The following PTPRD variants were observed in gnomAD, a reference collection of about 807,000 sequenced individuals.
PTPRD encodes protein tyrosine phosphatase receptor type D, also known as receptor-type tyrosine-protein phosphatase delta.
PTPRD carries 34 observed loss-of-function variants against 214.5 expected under a neutral mutation model. That is an observed-to-expected ratio of 0.16 (90% CI 0.12 to 0.21). The LOEUF (loss-of-function observed/expected upper bound fraction) is 0.21. PTPRD is among the 10% of genes least tolerant of loss of function. The pLI, the probability that PTPRD is intolerant of heterozygous loss-of-function variation, is 1.00. For synonymous variants in PTPRD, 1,128 were observed against 845.7 expected (o/e 1.33, Z -5.79); for missense variants, 2,545 against 2,398.7 (o/e 1.06, Z -1.27).
chr9:9,038,895 C>A (rs562735389), intron 10 of PTPRD, among the ~76,000 whole-genome samples: 1 of 152,040 alleles, frequency 6.6e-6, no homozygotes, highest in Non-Finnish European at 1.5e-5. Flanking sequence ...TTTTCCCTCC[C>A]AGGAAGGTTT....
chr9:9,177,811 G>T (rs766863952), intron 10 of PTPRD, among the ~76,000 whole-genome samples: 1 of 152,060 alleles, frequency 6.6e-6, no homozygotes, highest in Non-Finnish European at 1.5e-5. Context: ...TTTTATAAAG[G>T]CATCTTAAAA....
intron 11 of PTPRD, among the ~76,000 whole-genome samples, chr9:8,849,486 A>C (rs992698864): frequency 6.6e-6 from 1 of 152,194 alleles, no homozygotes; most frequent in Admixed American, 6.5e-5. Flanking sequence ...TCGGCCTCCC[A>C]AAGTGCTGGG....
chr9:10,156,318 G>A (rs1365365761), intron 3 of PTPRD, among the ~76,000 whole-genome samples: 3 of 152,094 alleles, frequency 2.0e-5, no homozygotes, highest in African/African-American at 7.2e-5. Flanking sequence ...ATGTGCCAGA[G>A]ATTCTGGTGT....
chr9:8,854,690 G>A (rs1328808746), intron 11 of PTPRD, among the ~76,000 whole-genome samples: 1 of 152,152 alleles, frequency 6.6e-6, no homozygotes, highest in Non-Finnish European at 1.5e-5. Context: ...TGCGTCTTCA[G>A]TCCAGGTCCC....
At chr9:8,323,637 C>T (rs1261555356) in intron 44 of PTPRD, among the ~76,000 whole-genome samples, 1 of 152,008 alleles carries the variant, frequency 6.6e-6, no homozygotes, top group Non-Finnish European at 1.5e-5. Flanking sequence ...AGAAGTGGAG[C>T]CAGGAGATGG....
At chr9:8,361,640 G>A (rs1183529208) in intron 39 of PTPRD, among the ~76,000 whole-genome samples, 2 of 152,152 alleles carry the variant, frequency 1.3e-5, no homozygotes, top group Non-Finnish European at 2.9e-5. Flanking sequence ...GATGTTGAAT[G>A]GCAGTTATGT....
At chr9:8,608,216 CA>C in intron 14 of PTPRD, among the ~76,000 whole-genome samples, 1 of 151,532 alleles carries the variant, frequency 6.6e-6, no homozygotes, top group Non-Finnish European at 1.5e-5. Context: ...CCGGATAATA[CA>C]AATAGTTGAA....
At chr9:9,959,028 G>A (rs368442202) in intron 4 of PTPRD, among the ~76,000 whole-genome samples, 1 of 152,104 alleles carries the variant, frequency 6.6e-6, no homozygotes, top group East Asian at 1.9e-4. Context: ...TAAAAGTTAT[G>A]TTCACACCAA....
chr9:8,632,768 C>T (rs140962282), intron 14 of PTPRD, among the ~76,000 whole-genome samples: 92 of 152,028 alleles, frequency 6.1e-4, no homozygotes, highest in Non-Finnish European at 7.1e-4. Context: ...GATTTGTCAG[C>T]CCAGTTATTT....
intron 7 of PTPRD, among the ~76,000 whole-genome samples, chr9:9,627,428 T>A (rs965394812): frequency 2.0e-5 from 3 of 152,230 alleles, no homozygotes; most frequent in African/African-American, 7.2e-5. Context: ...TTTGCTCTGA[T>A]GAGAGAGCTA....
In PTPRD at chr9:9,520,358, A is replaced by G. The variant is rs544302786; in HGVS notation, c.-237+54374T>C. Among the ~76,000 whole-genome samples, 10 of 150,596 alleles carry G rather than the reference A, an allele frequency of 6.6e-5. No homozygotes were observed. In the South Asian group the frequency reaches 2.1e-3, roughly 31 times the overall value. ...TCTGGGAATGAATTTTAGAACATGC[A>G]TGAATACTATGACAGAATTATCTTT... is the stretch of plus-strand genomic sequence containing the variant. On this transcript the variant is annotated intron_variant, in intron 8 of 45. Transcript: ENST00000381196.
In PTPRD at chr9:9,292,039, C is replaced by T. The variant is rs376994688; in HGVS notation, c.-203+105410G>A. 1.6e-4 allele frequency among the ~76,000 whole-genome samples: 24 copies of T among 151,234 alleles called. No homozygotes were observed. In the East Asian group the frequency reaches 2.2e-3, roughly 14 times the overall value. On this transcript the variant is annotated intron_variant, in intron 9 of 45. Transcript: ENST00000381196. ...TGTCAGGTAATGTGAATAAGTAATA[C>T]TGGTATTTTATCTCCTCAGAAGATT...
intron 3 of PTPRD, among the ~76,000 whole-genome samples, chr9:10,311,740 C>A (rs938882420): frequency 6.6e-6 from 1 of 152,034 alleles, no homozygotes; most frequent in Non-Finnish European, 1.5e-5. Flanking sequence ...TCAGACTCAA[C>A]TCTAGGAATT....
chr9:8,960,482 T>A (rs942823911), intron 11 of PTPRD, among the ~76,000 whole-genome samples: 1 of 152,050 alleles, frequency 6.6e-6, no homozygotes, highest in Admixed American at 6.6e-5. Context: ...GGCCAAATTC[T>A]GACATGGGTA....
chr9:9,230,770 T>C (rs998945874), intron 9 of PTPRD, among the ~76,000 whole-genome samples: 9 of 152,096 alleles, frequency 5.9e-5, no homozygotes, highest in East Asian at 1.9e-4. Flanking sequence ...CTATAATCAA[T>C]TGGCTGAAAA....
chr9:10,031,695 TCTGTCC>T (rs1385989312), intron 4 of PTPRD, among the ~76,000 whole-genome samples: 3 of 139,146 alleles, frequency 2.2e-5, no homozygotes, highest in Non-Finnish European at 4.5e-5. Flanking sequence ...TCCTATTAGT[TCTGTCC>T]CTACTACAAA....
intron 5 of PTPRD, among the ~76,000 whole-genome samples, chr9:9,912,385 TCAAATGC>T (rs770378941): frequency 1.3e-5 from 2 of 152,144 alleles, no homozygotes; most frequent in Non-Finnish European, 2.9e-5. Flanking sequence ...GTCTCCCTTG[TCAAATGC>T]CAACTTTGAT....
chr9:10,257,210 A>G (rs1372543756), intron 3 of PTPRD, among the ~76,000 whole-genome samples: 1 of 152,222 alleles, frequency 6.6e-6, no homozygotes, highest in Non-Finnish European at 1.5e-5. Flanking sequence ...TTGCTTCTCA[A>G]TTAACTGCCT....
intron 2 of PTPRD, among the ~76,000 whole-genome samples, chr9:10,436,667 C>A (rs535437587): frequency 1.3e-5 from 2 of 151,702 alleles, no homozygotes; most frequent in Non-Finnish European, 2.9e-5. Context: ...TCTTCTAGTG[C>A]TTGAAATAAG....
Sources: gnomAD v4.1 joint callset for allele counts (sites outside exome capture counted in the v4.1 genomes callset) on GRCh38, gnomAD v4.1.1 for gene constraint, MANE v1.5 for transcripts, NCBI Gene and HGNC (gene_info 2026-07-23, HGNC 2026-07-21) for gene names.